Variants in EGFR observed in about 807,000 individuals in gnomAD.
The protein encoded by EGFR is avian erythroblastic leukemia viral (v-erb-b) oncogene homolog.
A neutral mutation model predicts 143.0 loss-of-function variants in EGFR; 58 were observed. The observed-to-expected ratio is 0.41, with a 90% confidence interval of 0.33 to 0.50. EGFR has a LOEUF of 0.50. EGFR is among the 20% of genes least tolerant of loss of function. The pLI is 0.39. For synonymous variants in EGFR, 613 were observed against 594.4 expected (o/e 1.03, Z -0.45); for missense variants, 1,307 against 1,579.0 (o/e 0.83, Z 2.92).
In EGFR at chr7:55,203,493, GAC is replaced by G. The variant is rs565642159; in HGVS notation, c.3271+872_3271+873del. On this transcript the variant is annotated intron_variant, in intron 27 of 27. Transcript: ENST00000275493. ...CACACACCACACATACATACACACA[GAC>G]ACATATACACTACACACACCATTAC... is the stretch of plus-strand genomic sequence containing the variant. 6.5e-4 allele frequency among the ~76,000 whole-genome samples: 84 copies of G among 129,304 alleles called. 2 individuals are homozygous for G. The South Asian group carries it at 0.012, about 19-fold the overall frequency. The allele number at this position is 129,304 out of a possible 152,430, so 84.8% of individuals were successfully genotyped here.
chr7:55,178,002 T>A (rs1786676173), intron 19 of EGFR, among the ~76,000 whole-genome samples: 1 of 152,122 alleles, frequency 6.6e-6, no homozygotes, highest in Admixed American at 6.5e-5. Context: ...GTCTATCAGA[T>A]GTTAGTAGGA....
At chr7:55,121,155 C>T (rs1453403265) in intron 1 of EGFR, among the ~76,000 whole-genome samples, 1 of 152,192 alleles carries the variant, frequency 6.6e-6, no homozygotes, top group Non-Finnish European at 1.5e-5. Context: ...AAGAGCTCCT[C>T]ACACTGTCCT....
chr7:55,101,965 G>A (rs1041730334), intron 1 of EGFR, among the ~76,000 whole-genome samples: 4 of 152,108 alleles, frequency 2.6e-5, no homozygotes, highest in African/African-American at 4.8e-5. Flanking sequence ...GTGCTATGTC[G>A]GGAAACTCTG....
intron 1 of EGFR, among the ~76,000 whole-genome samples, chr7:55,091,812 C>T (rs181024534): frequency 1.6e-4 from 24 of 149,346 alleles, no homozygotes; most frequent in African/African-American, 5.4e-4. Flanking sequence ...GAGGGCATCT[C>T]GTAGAGCAAC....
At chr7:55,110,538 T>C (rs986304983) in intron 1 of EGFR, among the ~76,000 whole-genome samples, 1 of 152,202 alleles carries the variant, frequency 6.6e-6, no homozygotes, top group Admixed American at 6.5e-5. Flanking sequence ...TTGTTTCCCA[T>C]GTTAAATGTC....
chr7:55,204,009 G>A (rs1273223708), intron 27 of EGFR, among the ~76,000 whole-genome samples: 5 of 150,914 alleles, frequency 3.3e-5, no homozygotes, highest in Admixed American at 6.6e-5. Flanking sequence ...ACATATGTAA[G>A]TTATATATAT....
chr7:55,165,166 A>G, intron 14 of EGFR, 114 bp from the exon 15 acceptor site: 4 of 1,459,392 alleles, frequency 2.7e-6, no homozygotes, highest in Non-Finnish European at 3.8e-6. Flanking sequence ...GAATTTTTCT[A>G]TCATTTGGCT....
chr7:55,134,209 T>G (rs1794009441), intron 1 of EGFR, among the ~76,000 whole-genome samples: 1 of 151,368 alleles, frequency 6.6e-6, no homozygotes, highest in Admixed American at 6.6e-5. Flanking sequence ...CCCAGCCACA[T>G]GCAGGTCCAG....
intron 1 of EGFR, among the ~76,000 whole-genome samples, chr7:55,083,032 T>A (rs1790549844): frequency 6.6e-6 from 1 of 152,178 alleles, no homozygotes; most frequent in African/African-American, 2.4e-5. Flanking sequence ...TGTGTTTCCA[T>A]CTCCTTATGA....
At chr7:55,200,593 C>T (rs186085307) in intron 24 of EGFR, 180 bp downstream of exon 24, 25 of 679,020 alleles carry the variant, frequency 3.7e-5, no homozygotes, top group African/African-American at 1.1e-4. Flanking sequence ...AAGCAGCATC[C>T]GTGAGTGGGG....
At chr7:55,059,996 T>A (rs1789075348) in intron 1 of EGFR, among the ~76,000 whole-genome samples, 1 of 152,188 alleles carries the variant, frequency 6.6e-6, no homozygotes, top group Admixed American at 6.5e-5. Context: ...GTCCTCTCAG[T>A]GTGGACTGGG....
At chr7:55,190,451 A>G (rs1002001341) in intron 20 of EGFR, among the ~76,000 whole-genome samples, 1 of 152,204 alleles carries the variant, frequency 6.6e-6, no homozygotes, top group Non-Finnish European at 1.5e-5. Flanking sequence ...TGCCTGAGAA[A>G]GAAAAAATTT....
intron 19 of EGFR, chr7:55,180,450 G>T: frequency 6.6e-6 from 1 of 152,264 alleles, no homozygotes; most frequent in Non-Finnish European, 1.5e-5. Flanking sequence ...TCAAAGGAAG[G>T]CCCCTGCCTT....
chr7:55,146,996 C>T (rs764797428), intron 4 of EGFR, among the ~76,000 whole-genome samples: 2 of 152,182 alleles, frequency 1.3e-5, no homozygotes, highest in African/African-American at 2.4e-5. Flanking sequence ...CAGCAGAGCA[C>T]TTGTGTCCTG....
rs1050553928 is a variant in EGFR at position 55,060,891 on chromosome 7, A to G, written c.88+41526A>G. On this transcript the variant is annotated intron_variant, in intron 1 of 27. Transcript: ENST00000275493. ...AAATCATGGACGTGCTCTGGTTAAC[A>G]CTGAGTGGGAGCTCAACAAATTATT... 2.6e-5 allele frequency among the ~76,000 whole-genome samples: 4 copies of G among 152,202 alleles called. No homozygotes were observed. In the East Asian group the frequency reaches 7.7e-4, roughly 29 times the overall value.
At chr7:55,119,671 G>A (rs998583575) in intron 1 of EGFR, among the ~76,000 whole-genome samples, 3 of 152,192 alleles carry the variant, frequency 2.0e-5, no homozygotes, top group African/African-American at 4.8e-5. Flanking sequence ...GGCGTGGCCT[G>A]GCCCCTCTGC....
rs889949986 is a variant in EGFR, at chr7:55,206,770, A to G, written c.*1153A>G. On this transcript the variant is annotated 3_prime_UTR_variant, in exon 28 of 28. Coordinates refer to ENST00000275493, the MANE Select transcript of EGFR (RefSeq NM_005228.5). ...GTTCCCTCCAGGTCAGCTGCCCCCAAACCCCCTCCTTACGCTTTGTCACAC... is the reference window on the plus strand; with the variant it reads ...GTTCCCTCCAGGTCAGCTGCCCCCAGACCCCCTCCTTACGCTTTGTCACAC... The G allele has an allele frequency of 4.3e-6, 1 of 233,144 alleles. No homozygotes were observed. The highest frequency in any genetic ancestry group is 6.0e-5 in the East Asian group (1 of 16,558). 14.4% of individuals were successfully genotyped at this position (233,144 alleles called of 1,614,324 possible).
At chr7:55,179,112 T>G (rs1226852363) in intron 19 of EGFR, among the ~76,000 whole-genome samples, 2 of 152,260 alleles carry the variant, frequency 1.3e-5, no homozygotes, top group Non-Finnish European at 2.9e-5. Flanking sequence ...GAGCGCCAGC[T>G]AGACCCTAAG....
rs1199479812 is a variant in EGFR at position 55,198,295 on chromosome 7, G to T, written c.2702-422G>T. On this transcript the variant is annotated intron_variant, in intron 22 of 27. Transcript: ENST00000275493. ...ATGATCTAAAAATGTGCAGTTTACAGCCCTGTTCAGAATCTGCATCTTCCT... is the reference window on the plus strand; with the variant it reads ...ATGATCTAAAAATGTGCAGTTTACATCCCTGTTCAGAATCTGCATCTTCCT... Among the ~76,000 whole-genome samples, 6 of 152,104 alleles carry T rather than the reference G, an allele frequency of 3.9e-5. No homozygotes were observed. The South Asian group carries it at 1.2e-3, about 32-fold the overall frequency.
Sources: allele counts gnomAD v4.1 joint callset (sites outside exome capture counted in the v4.1 genomes callset), GRCh38; gene constraint gnomAD v4.1.1; transcripts MANE v1.5; gene names NCBI Gene and HGNC (gene_info 2026-07-23, HGNC 2026-07-21).